The following CD109 variants were observed in gnomAD, a reference collection of about 807,000 sequenced individuals.
CD109 encodes the protein CD109 molecule, also known as CD109 antigen.
A neutral mutation model predicts 165.8 loss-of-function variants in CD109; 149 were observed. The ratio of observed to expected loss-of-function variants is 0.90; its 90% CI spans 0.79 to 1.03. The LOEUF is 1.03. Ranked by LOEUF, CD109 falls within the 50% of genes least tolerant of loss-of-function variation. The pLI is 0.00. For synonymous variants in CD109, 585 were observed against 592.1 expected (o/e 0.99, Z 0.18); for missense variants, 1,712 against 1,677.8 (o/e 1.02, Z -0.36).
chr6:73,696,123 GA>G (rs955656745), upstream of CD109: 22 of 1,244,774 alleles, frequency 1.8e-5, no homozygotes, highest in African/African-American at 3.0e-5. Flanking sequence ...AATTAAGAGG[GA>G]AAAAAAATCA....
intron 5 of CD109, among the ~76,000 whole-genome samples, chr6:73,745,508 C>G (rs1329256837): frequency 6.6e-6 from 1 of 152,158 alleles, no homozygotes; most frequent in African/African-American, 2.4e-5. Flanking sequence ...TTTTATATGA[C>G]TTGTGGATGC....
chr6:73,790,796 C>T (rs1467239904), intron 22 of CD109, among the ~76,000 whole-genome samples: 2 of 152,078 alleles, frequency 1.3e-5, no homozygotes, highest in East Asian at 3.9e-4. Flanking sequence ...ATCTGCTGGA[C>T]CCAGTCCACC....
intron 2 of CD109, among the ~76,000 whole-genome samples, chr6:73,702,253 A>G (rs1194477805): frequency 1.3e-5 from 2 of 151,880 alleles, no homozygotes; most frequent in Non-Finnish European, 2.9e-5. Flanking sequence ...TTTATTTTCC[A>G]TCTTGGCTCA....
chr6:73,716,368 GTGGTT>G (rs1771746035), intron 2 of CD109, among the ~76,000 whole-genome samples: 1 of 152,174 alleles, frequency 6.6e-6, no homozygotes, highest in Non-Finnish European at 1.5e-5. Flanking sequence ...GTTCTCCATA[GTGGTT>G]GTGCTAATTT....
chr6:73,702,838 A>G (rs1312321034), intron 2 of CD109, among the ~76,000 whole-genome samples: 1 of 152,248 alleles, frequency 6.6e-6, no homozygotes, highest in Non-Finnish European at 1.5e-5. Context: ...ATTATTCAAG[A>G]AAATGGTAGC....
intron 4 of CD109, among the ~76,000 whole-genome samples, chr6:73,735,440 T>C (rs563288493): frequency 6.6e-6 from 1 of 152,066 alleles, no homozygotes; most frequent in South Asian, 2.1e-4. Flanking sequence ...ATTAGTTGCA[T>C]TAGTTAGAAA....
chr6:73,686,835 G>A, the CD109 span, among the ~76,000 whole-genome samples: 1 of 152,096 alleles, frequency 6.6e-6, no homozygotes, highest in African/African-American at 2.4e-5. Flanking sequence ...GGGATTACAG[G>A]TGCCTGCTGC....
intron 4 of CD109, among the ~76,000 whole-genome samples, chr6:73,731,127 A>G (rs1293816060): frequency 1.3e-5 from 2 of 151,360 alleles, no homozygotes; most frequent in East Asian, 3.9e-4. Flanking sequence ...GCTCACTGCA[A>G]CCTCCGCCTC....
intron 22 of CD109, among the ~76,000 whole-genome samples, chr6:73,790,182 C>A (rs1472840734): frequency 6.9e-6 from 1 of 144,674 alleles, no homozygotes; most frequent in Admixed American, 7.3e-5. Flanking sequence ...GCAACCACCG[C>A]CTACTGGGTT....
intron 4 of CD109, among the ~76,000 whole-genome samples, chr6:73,731,123 T>A (rs1772354157): frequency 6.6e-6 from 1 of 152,124 alleles, no homozygotes; most frequent in Non-Finnish European, 1.5e-5. Context: ...CTTGGCTCAC[T>A]GCAACCTCCG....
At chr6:73,736,350 T>G in intron 4 of CD109, 33 bp from the exon 5 acceptor site, 1 of 1,610,794 alleles carries the variant, frequency 6.2e-7, no homozygotes, top group South Asian at 1.1e-5. Context: ...ATGGGCAGCC[T>G]CTACATACTT....
chr6:73,693,944 T>A (rs901900475), upstream of CD109: 4 of 151,890 alleles, frequency 2.6e-5, no homozygotes, highest in African/African-American at 9.7e-5. Flanking sequence ...GGAGAGCAAT[T>A]CTGCGATCTC....
intron 32 of CD109, 128 bp from the exon 33 acceptor site, chr6:73,823,329 TA>T: frequency 1.4e-6 from 1 of 708,448 alleles, no homozygotes; most frequent in Non-Finnish European, 2.3e-6. Context: ...TTGTTTCTTG[TA>T]AAGAAAAATA....
At chr6:73,724,613 ATT>A (rs11386114) in intron 3 of CD109, among the ~76,000 whole-genome samples, 33 of 135,074 alleles carry the variant, frequency 2.4e-4, no homozygotes, top group Admixed American at 3.0e-4. Flanking sequence ...ATTACCTTAA[ATT>A]TTTTTTTTTT....
chr6:73,703,495 A>G lies in CD109; in HGVS notation c.247+5923A>G, dbSNP rs564429538. Among the ~76,000 whole-genome samples the G allele has an allele frequency of 1.4e-3, 218 of 152,362 alleles. 1 individual carries two copies. Among genetic ancestry groups the G allele is most frequent in the African/African-American group, 5.1e-3 (214 of 41,592 alleles). ...GGGATCTGGGGATTTTCCCAAGGTC[A>G]AATCACTTATTGGTGGCAGAGCTGG... On this transcript the variant is annotated intron_variant, in intron 2 of 32. Coordinates refer to ENST00000287097, the MANE Select transcript of CD109 (RefSeq NM_133493.5).
At chr6:73,779,940 TTTGA>T (rs763476972) in intron 15 of CD109, among the ~76,000 whole-genome samples, 4 of 152,192 alleles carry the variant, frequency 2.6e-5, no homozygotes, top group Admixed American at 1.3e-4. Flanking sequence ...TTTGCATTGC[TTTGA>T]TTATCAGTGA....
At chr6:73,730,270 A>C in intron 3 of CD109, 74 bp from the exon 4 acceptor site, 1 of 956,580 alleles carries the variant, frequency 1.0e-6, no homozygotes. Flanking sequence ...TACTTTTTTT[A>C]TTCTAACTTG....
chr6:73,818,582 T>G, intron 31 of CD109, 47 bp downstream of exon 31: 1 of 1,528,528 alleles, frequency 6.5e-7, no homozygotes, highest in Admixed American at 1.9e-5. Context: ...CACTGTGTTT[T>G]GTATTCAGGT....
At chr6:73,712,597 T>C (rs760998851) in intron 2 of CD109, among the ~76,000 whole-genome samples, 16 of 152,314 alleles carry the variant, frequency 1.1e-4, no homozygotes, top group African/African-American at 2.4e-4. Flanking sequence ...CAGCATATAA[T>C]GGTATTACAG....
Sources: gnomAD v4.1 joint callset for allele counts (sites outside exome capture counted in the v4.1 genomes callset) on GRCh38, gnomAD v4.1.1 for gene constraint, MANE v1.5 for transcripts, NCBI Gene and HGNC (gene_info 2026-07-23, HGNC 2026-07-21) for gene names.